The following STS variants were observed in gnomAD, a reference collection of about 807,000 sequenced individuals.
STS encodes the protein steroid sulfatase, also known as steryl-sulfatase.
Under a neutral mutation model 26.8 loss-of-function variants are expected in STS, and 7 were observed. That is an observed-to-expected ratio of 0.26 (90% CI 0.15 to 0.49). The LOEUF (loss-of-function observed/expected upper bound fraction) is 0.49. Among genes scored for constraint, STS ranks in the 20% least tolerant of loss-of-function variants. The pLI is 0.98. For synonymous variants in STS, 199 were observed against 189.4 expected (o/e 1.05, Z -0.42); for missense variants, 434 against 465.6 (o/e 0.93, Z 0.63).
chrX:7,236,772 C>A (rs1260465996), intron 2 of STS, among the ~76,000 whole-genome samples: 2 of 111,048 alleles, frequency 1.8e-5, no homozygotes, highest in African/African-American at 3.3e-5. Flanking sequence ...AATTAGAGCT[C>A]TTTTATATAT....
Position 7,352,683 on chromosome X carries a change from A to G in STS, c.*2422A>G, listed in dbSNP as rs1928853535. The G allele has an allele frequency of 9.0e-6, 1 of 111,454 alleles. No individual in the cohort carries two copies. Among genetic ancestry groups the G allele is most frequent in the African/African-American group, 3.3e-5 (1 of 30,689 alleles). 9.2% of individuals were successfully genotyped at this position (111,454 alleles called of 1,213,427 possible). On this transcript the variant is annotated 3_prime_UTR_variant, in exon 11 of 11. Coordinates refer to ENST00000674429, the MANE Select transcript of STS (RefSeq NM_001320752.2). ...TCATTCATATTACCTGTGGAGTTGCATATCCAAACCTTAGTGAGTTTTGAA... is the reference window on the plus strand; with the variant it reads ...TCATTCATATTACCTGTGGAGTTGCGTATCCAAACCTTAGTGAGTTTTGAA...
intron 1 of STS, among the ~76,000 whole-genome samples, chrX:7,181,228 T>A (rs1274733518): frequency 1.8e-5 from 2 of 112,626 alleles, no homozygotes; most frequent in Admixed American, 9.4e-5. Context: ...TATACTCGTG[T>A]AACAAACCTG....
intron 7 of STS, among the ~76,000 whole-genome samples, chrX:7,281,566 G>C (rs961484870): frequency 1.4e-4 from 16 of 111,967 alleles, no homozygotes; most frequent in African/African-American, 5.2e-4. Context: ...TCAGTCATGT[G>C]CAACTCAATG....
chrX:7,347,894 G>T lies in STS; in HGVS notation c.1364-1994G>T, dbSNP rs16984465. ...TCTCATACCCTGGAAGAAAGTGTGG[G>T]ATGAGACGAGTGGATGGGAAGCATC... is the stretch of plus-strand genomic sequence containing the variant. On this transcript the variant is annotated intron_variant, in intron 10 of 10. Transcript: ENST00000674429. 3.0e-3 allele frequency among the ~76,000 whole-genome samples: 333 copies of T among 111,852 alleles called. 2 individuals carry two copies. The highest frequency in any genetic ancestry group is 0.01 in the African/African-American group (321 of 30,809).
rs1210950602 is a variant in STS at position 7,297,600 on chromosome X, T to G, written c.944-7446T>G. ...TTATGACATGTGAAAGTGAGTAAAT[T>G]AATAAAAAGCATGATGATACACAAA... On this transcript the variant is annotated intron_variant, in intron 7 of 10. Coordinates refer to ENST00000674429, the MANE Select transcript of STS (RefSeq NM_001320752.2). Among the ~76,000 whole-genome samples the G allele has an allele frequency of 3.6e-5, 4 of 111,967 alleles. No individual in the cohort carries two copies. The East Asian group carries it at 1.1e-3, about 31-fold the overall frequency.
At chrX:7,148,946 CTTT>C (rs5901336) in intron 1 of STS, among the ~76,000 whole-genome samples, 1 of 104,153 alleles carries the variant, frequency 9.6e-6, no homozygotes, top group African/African-American at 3.5e-5. Flanking sequence ...AAACAGCTTT[CTTT>C]TTTTTTTTTC....
intron 6 of STS, among the ~76,000 whole-genome samples, chrX:7,267,427 A>G (rs147443150): frequency 0.03 from 3,377 of 112,055 alleles, 82 homozygotes; most frequent in African/African-American, 0.073. Flanking sequence ...TTTTTTCTTT[A>G]GTTCAAGTCA....
intron 2 of STS, among the ~76,000 whole-genome samples, chrX:7,243,475 G>T (rs1306892305): frequency 2.7e-5 from 3 of 112,079 alleles, no homozygotes; most frequent in African/African-American, 9.7e-5. Context: ...GCCTTCTAAA[G>T]CCTCATGGCT....
intron 2 of STS, among the ~76,000 whole-genome samples, chrX:7,233,263 T>C (rs2147061660): frequency 9.1e-6 from 1 of 109,305 alleles, no homozygotes; most frequent in Non-Finnish European, 1.9e-5. Context: ...CTGGCTAGTT[T>C]TTGTATTTTT....
At chrX:7,332,933 T>C (rs1010111917) in intron 9 of STS, among the ~76,000 whole-genome samples, 1 of 111,936 alleles carries the variant, frequency 8.9e-6, no homozygotes, top group Non-Finnish European at 1.9e-5. Context: ...GAGTGCATGA[T>C]TAATAACAAG....
chrX:7,266,598 T>A (rs1367444974), intron 6 of STS, among the ~76,000 whole-genome samples: 1 of 112,284 alleles, frequency 8.9e-6, no homozygotes, highest in East Asian at 2.8e-4. Flanking sequence ...TCACCATATG[T>A]TATACACTGT....
intron 9 of STS, among the ~76,000 whole-genome samples, chrX:7,326,581 T>C (rs1469317540): frequency 8.9e-6 from 1 of 112,222 alleles, no homozygotes; most frequent in Non-Finnish European, 1.9e-5. Flanking sequence ...AAGTTCTAAA[T>C]GAAATGTCTT....
chrX:7,186,077 C>A (rs1157550718), intron 1 of STS, among the ~76,000 whole-genome samples: 1 of 112,277 alleles, frequency 8.9e-6, no homozygotes, highest in Admixed American at 9.4e-5. Flanking sequence ...CCACAAGAGC[C>A]AATTCTCCTT....
At chrX:7,253,049 G>A in intron 2 of STS, 147 bp from the exon 3 acceptor site, 1 of 627,102 alleles carries the variant, frequency 1.6e-6, no homozygotes, top group South Asian at 2.7e-5. Context: ...TACTTGGGAG[G>A]CTGAGACAGG....
intron 2 of STS, among the ~76,000 whole-genome samples, chrX:7,239,100 G>T: frequency 9.0e-6 from 1 of 111,669 alleles, no homozygotes; most frequent in East Asian, 2.8e-4. Context: ...ACCAGGTACT[G>T]TTGTATAGTC....
At chrX:7,168,604 A>G (rs1380766718) in intron 1 of STS, among the ~76,000 whole-genome samples, 1 of 111,342 alleles carries the variant, frequency 9.0e-6, no homozygotes, top group African/African-American at 3.3e-5. Flanking sequence ...CACACAGGGA[A>G]TCCCATCAAA....
Position 7,352,687 on chromosome X carries a change from C to T in STS, c.*2426C>T, listed in dbSNP as rs1928853929. The T allele has an allele frequency of 1.8e-5, 2 of 111,163 alleles. No homozygotes were observed. The highest frequency in any genetic ancestry group is 3.8e-4 in the South Asian group (1 of 2,623). 9.2% of individuals were successfully genotyped at this position (111,163 alleles called of 1,213,427 possible). Reference sequence around the variant, plus strand: ...TCATATTACCTGTGGAGTTGCATATCCAAACCTTAGTGAGTTTTGAAGCTT... The same window carrying T: ...TCATATTACCTGTGGAGTTGCATATTCAAACCTTAGTGAGTTTTGAAGCTT... On this transcript the variant is annotated 3_prime_UTR_variant, in exon 11 of 11. Transcript: ENST00000674429.
At chrX:7,248,152 CT>C (rs1922976986) in intron 2 of STS, among the ~76,000 whole-genome samples, 1 of 112,152 alleles carries the variant, frequency 8.9e-6, no homozygotes, top group African/African-American at 3.2e-5. Context: ...AGTGCATACC[CT>C]TTGTCTGTCT....
At chrX:7,214,164 T>C (rs1569191231) in intron 2 of STS, among the ~76,000 whole-genome samples, 1 of 112,449 alleles carries the variant, frequency 8.9e-6, no homozygotes, top group Non-Finnish European at 1.9e-5. Context: ...TGATACATGG[T>C]AGGAAGACAA....
Sources: allele counts gnomAD v4.1 joint callset (sites outside exome capture counted in the v4.1 genomes callset), GRCh38; gene constraint gnomAD v4.1.1; transcripts MANE v1.5; gene names NCBI Gene and HGNC (gene_info 2026-07-23, HGNC 2026-07-21).